EFHC1: variants seen among roughly 807,000 people sequenced by gnomAD.
The protein encoded by EFHC1 is EF-hand domain-containing protein 1.
A neutral mutation model predicts 69.9 loss-of-function variants in EFHC1; 53 were observed. That is an observed-to-expected ratio of 0.76 (90% confidence interval 0.61 to 0.95). The LOEUF (loss-of-function observed/expected upper bound fraction) is 0.95. EFHC1 is among the 40% of genes least tolerant of loss of function. The pLI, the probability that EFHC1 is intolerant of heterozygous loss-of-function variation, is 0.00. For missense variants in EFHC1, 739 were observed against 798.7 expected, an observed-to-expected ratio of 0.93 and a Z score of 0.90; for synonymous variants, 256 against 278.4, an observed-to-expected ratio of 0.92 and a Z score of 0.80.
intron 3 of EFHC1, among the ~76,000 whole-genome samples, chr6:52,441,467 G>C: frequency 6.6e-6 from 1 of 152,188 alleles, no homozygotes; most frequent in Admixed American, 6.6e-5. Flanking sequence ...CTATGTGTCT[G>C]TTTTTGTACC....
intron 3 of EFHC1, among the ~76,000 whole-genome samples, chr6:52,438,957 A>C (rs923318531): frequency 4.6e-5 from 7 of 152,310 alleles, no homozygotes; most frequent in Non-Finnish European, 1.0e-4. Context: ...GTTTACAAAA[A>C]TAGCACTACT....
intron 2 of EFHC1, among the ~76,000 whole-genome samples, chr6:52,434,870 T>C (rs1028645191): frequency 8.7e-5 from 13 of 149,962 alleles, no homozygotes; most frequent in African/African-American, 2.7e-4. Flanking sequence ...GTTAGCATAT[T>C]CTTTACCTGA....
At chr6:52,434,747 A>G (rs1009738551) in intron 2 of EFHC1, among the ~76,000 whole-genome samples, 1 of 152,146 alleles carries the variant, frequency 6.6e-6, no homozygotes, top group Non-Finnish European at 1.5e-5. Flanking sequence ...GCTTTTCTAC[A>G]TTAACTCTTC....
chr6:52,423,658 T>C, intron 1 of EFHC1: 1 of 48,434 alleles, frequency 2.1e-5, no homozygotes, highest in Non-Finnish European at 3.5e-5. Context: ...ACCCAGCTAA[T>C]TTTTTTTTTT....
rs576504199 is a variant in EFHC1, at chr6:52,478,287, A to AG, written c.1279-744dup. ...CTGGGGACTGTGGTGGGGTGGGAGGAGGGGGGAGGGATAGCATTGGGAGAT... is the reference window on the plus strand; with the variant it reads ...CTGGGGACTGTGGTGGGGTGGGAGGAGGGGGGGAGGGATAGCATTGGGAGAT... On this transcript the variant is annotated intron_variant, in intron 7 of 10. Coordinates refer to ENST00000371068, the MANE Select transcript of EFHC1 (RefSeq NM_018100.4). Among the ~76,000 whole-genome samples the AG allele has an allele frequency of 2.4e-4, 32 of 135,956 alleles. No homozygotes were observed. In the South Asian group the frequency reaches 4.6e-3, roughly 20 times the overall value. 89.2% of individuals were successfully genotyped at this position (135,956 alleles called of 152,430 possible).
At position 52,453,710 on chromosome 6, in the gene EFHC1, A is replaced by T. The variant is rs1029596211; in HGVS notation, c.724-385A>T. ...AAAAAAGACTGGTTAATAAATAAAA[A>T]TTTTTTCTACACTAATTATATATAA... On this transcript the variant is annotated intron_variant, in intron 4 of 10. Coordinates refer to ENST00000371068, the MANE Select transcript of EFHC1 (RefSeq NM_018100.4). 6.4e-6 allele frequency: 8 copies of T among 1,250,056 alleles called. No individual in the cohort carries two copies. The African/African-American group carries it at 9.5e-5, about 15-fold the overall frequency. The allele number at this position is 1,250,056 out of a possible 1,614,324, so 77.4% of individuals were successfully genotyped here.
At position 52,494,499 on chromosome 6, in the gene EFHC1, A is replaced by C; in HGVS notation, c.*2158A>C. On this transcript the variant is annotated 3_prime_UTR_variant, in exon 11 of 11. Coordinates refer to ENST00000371068, the MANE Select transcript of EFHC1 (RefSeq NM_018100.4). ...AACCAGAGAAAAAGGGCAAAGTCTT[A>C]TTTCTGTGGCTAGTAATGTCGTAAT... 2.2e-6 allele frequency: 1 copy of C among 454,072 alleles called. No individual in the cohort carries two copies. The highest frequency in any genetic ancestry group is 4.4e-6 in the Non-Finnish European group (1 of 226,782). 28.1% of individuals were successfully genotyped at this position (454,072 alleles called of 1,614,324 possible).
chr6:52,479,067 A>T lies in EFHC1; in HGVS notation c.1309A>T (p.Arg437Ter), dbSNP rs776277918. ...ESPIPEDKDR[R>*]FVFSYFLATD... is the part of the protein sequence containing the mutation. The stretch of plus-strand genomic sequence containing the variant: ...CCCCATCCCAGAAGACAAAGACCGC[A>T]GATTTGTCTTCTCTTACTTTCTAGC... Residue 437 changes from arginine (R) to a stop codon, truncating the protein, a stop_gained, in exon 8 of 11, where the codon AGA becomes TGA. Transcript: ENST00000371068. LOFTEE classifies it high-confidence loss of function. 6 of 1,613,936 alleles carry T rather than the reference A, an allele frequency of 3.7e-6. No individual in the cohort carries two copies. In the African/African-American group the frequency reaches 8.0e-5, roughly 22 times the overall value.
In EFHC1 at chr6:52,497,126, T is replaced by G. The variant is rs909436100; in HGVS notation, c.*4785T>G. 3.5e-5 allele frequency: 5 copies of G among 143,490 alleles called. No individual in the cohort carries two copies. Among genetic ancestry groups the G allele is most frequent in the African/African-American group, 7.5e-5 (3 of 40,148 alleles). 8.9% of individuals were successfully genotyped at this position (143,490 alleles called of 1,614,324 possible). ...AGCTTCCTACCCACAAACCCCATGT[T>G]AAGAAAACCTCTTTTCCACTTTACT... On this transcript the variant is annotated 3_prime_UTR_variant, in exon 11 of 11. Coordinates refer to ENST00000371068, the MANE Select transcript of EFHC1 (RefSeq NM_018100.4).
chr6:52,461,074 AT>A (rs912467959), intron 5 of EFHC1, among the ~76,000 whole-genome samples: 1 of 151,748 alleles, frequency 6.6e-6, no homozygotes, highest in African/African-American at 2.4e-5. Context: ...AGTTTTGAAA[AT>A]TTTTTTTTAA....
intron 7 of EFHC1, among the ~76,000 whole-genome samples, chr6:52,473,296 A>C (rs1765477344): frequency 6.6e-6 from 1 of 152,214 alleles, no homozygotes; most frequent in South Asian, 2.1e-4. Context: ...GATATCAAAC[A>C]ATCAGATATT....
At chr6:52,446,871 G>T (rs1021938272) in intron 3 of EFHC1, among the ~76,000 whole-genome samples, 1 of 152,196 alleles carries the variant, frequency 6.6e-6, no homozygotes, top group Non-Finnish European at 1.5e-5. Context: ...TTTTCTTTAA[G>T]AATGTTGATT....
In EFHC1 at chr6:52,494,014, G is replaced by C. The variant is rs1562468134; in HGVS notation, c.*1673G>C. The C allele has an allele frequency of 2.2e-6, 1 of 454,042 alleles. No homozygotes were observed. The highest frequency in any genetic ancestry group is 2.3e-5 in the Admixed American group (1 of 42,570). 28.1% of individuals were successfully genotyped at this position (454,042 alleles called of 1,614,324 possible). A position where few individuals can be genotyped will look rare whatever the true frequency, so the allele number is the denominator to read the frequency against. ...TTATGTTGATTCCTTTTCTGTTCCA[G>C]GTTATTATCTTGGGAATAACCCATG... On this transcript the variant is annotated 3_prime_UTR_variant, in exon 11 of 11. Transcript: ENST00000371068.
intron 3 of EFHC1, among the ~76,000 whole-genome samples, chr6:52,452,137 A>G (rs1042197703): frequency 2.6e-5 from 4 of 152,236 alleles, no homozygotes; most frequent in African/African-American, 9.6e-5. Context: ...CTAGCTTAGC[A>G]AATACCTAGC....
At chr6:52,462,253 G>A (rs1765184375) in intron 5 of EFHC1, among the ~76,000 whole-genome samples, 1 of 151,652 alleles carries the variant, frequency 6.6e-6, no homozygotes, top group Admixed American at 6.6e-5. Flanking sequence ...ACCTAGAACT[G>A]AATGGTAGCA....
intron 9 of EFHC1, chr6:52,488,627 T>C (rs902007977): frequency 4.6e-5 from 7 of 152,202 alleles, no homozygotes; most frequent in African/African-American, 1.7e-4. Context: ...AAAGCTTTGT[T>C]CCTACCCCAT....
At chr6:52,466,178 T>TA (rs924790215) in intron 6 of EFHC1, among the ~76,000 whole-genome samples, 1 of 152,196 alleles carries the variant, frequency 6.6e-6, no homozygotes, top group South Asian at 2.1e-4. Context: ...ACTATGTGTG[T>TA]AAAGTATCAC....
At chr6:52,446,384 C>T (rs189969620) in intron 3 of EFHC1, among the ~76,000 whole-genome samples, 1 of 152,186 alleles carries the variant, frequency 6.6e-6, no homozygotes, top group Admixed American at 6.5e-5. Flanking sequence ...GATTGCAACC[C>T]CTGCTTTTTT....
At chr6:52,448,495 G>A (rs1366811812) in intron 3 of EFHC1, among the ~76,000 whole-genome samples, 1 of 152,172 alleles carries the variant, frequency 6.6e-6, no homozygotes, top group Admixed American at 6.5e-5. Context: ...CTAGGAAAGG[G>A]AATTCCCCGA....
Sources: gnomAD v4.1 joint callset for allele counts (sites outside exome capture counted in the v4.1 genomes callset) on GRCh38, gnomAD v4.1.1 for gene constraint, MANE v1.5 for transcripts, NCBI Gene and HGNC (gene_info 2026-07-23, HGNC 2026-07-21) for gene names.